Variants in SGCZ observed in about 807,000 individuals in gnomAD.
The protein encoded by SGCZ is zeta-sarcoglycan.
SGCZ carries 40 observed loss-of-function variants against 41.3 expected under a neutral mutation model. The ratio of observed to expected loss-of-function variants is 0.97; its 90% CI spans 0.75 to 1.26. The LOEUF is 1.26. Ranked by LOEUF, SGCZ falls within the 50% of genes most tolerant of loss-of-function variation. SGCZ has a pLI of 0.00. For missense variants in SGCZ, 552 were observed against 369.8 expected (o/e 1.49, Z -4.04); for synonymous variants, 206 against 137.5 (o/e 1.50, Z -3.49).
intron 1 of SGCZ, among the ~76,000 whole-genome samples, chr8:14,862,581 T>TATATATATAC (rs775585451): frequency 1.0e-4 from 10 of 96,934 alleles, no homozygotes; most frequent in Non-Finnish European, 1.9e-4. Flanking sequence ...TATATATATA[T>TATATATATAC]ACACACACAA....
intron 1 of SGCZ, among the ~76,000 whole-genome samples, chr8:14,884,124 G>C (rs1804699247): frequency 1.3e-5 from 2 of 152,088 alleles, no homozygotes. Context: ...ACTTTGGAAA[G>C]AGATAATTTG....
chr8:14,813,975 A>G (rs1441676558), intron 1 of SGCZ, among the ~76,000 whole-genome samples: 1 of 152,154 alleles, frequency 6.6e-6, no homozygotes, highest in Non-Finnish European at 1.5e-5. Context: ...GCAAATAAGT[A>G]AATAAAAACA....
chr8:15,182,300 T>C (rs1427763643), intron 1 of SGCZ, among the ~76,000 whole-genome samples: 1 of 152,172 alleles, frequency 6.6e-6, no homozygotes, highest in Admixed American at 6.5e-5. Flanking sequence ...CTAAATATAA[T>C]GCAGTCATGT....
At chr8:14,455,455 TACACACAC>T (rs5889534) in intron 2 of SGCZ, among the ~76,000 whole-genome samples, 83 of 144,426 alleles carry the variant, frequency 5.7e-4, no homozygotes, top group East Asian at 1.7e-3. Flanking sequence ...TTTGCATGCA[TACACACAC>T]ACACACACAC....
intron 1 of SGCZ, among the ~76,000 whole-genome samples, chr8:14,762,280 C>A (rs868372352): frequency 6.6e-6 from 1 of 152,184 alleles, no homozygotes; most frequent in African/African-American, 2.4e-5. Flanking sequence ...TCTCCATGGA[C>A]CTCAAAACAG....
chr8:15,102,682 T>C (rs1806660015), intron 1 of SGCZ, among the ~76,000 whole-genome samples: 1 of 152,182 alleles, frequency 6.6e-6, no homozygotes, highest in Non-Finnish European at 1.5e-5. Flanking sequence ...TCTAATAATG[T>C]TCCAAAATAT....
intron 2 of SGCZ, among the ~76,000 whole-genome samples, chr8:14,377,799 G>T (rs1279396567): frequency 1.7e-4 from 25 of 151,436 alleles, no homozygotes; most frequent in Admixed American, 1.3e-3. Flanking sequence ...TTGTTCTTGC[G>T]ATAGTTTACT....
chr8:14,257,093 C>T (rs1799491308), intron 3 of SGCZ, among the ~76,000 whole-genome samples: 1 of 152,022 alleles, frequency 6.6e-6, no homozygotes, highest in Non-Finnish European at 1.5e-5. Context: ...CACTAGAAGG[C>T]CAAAGTGGAC....
chr8:14,239,209 G>A (rs1034899287), intron 3 of SGCZ, among the ~76,000 whole-genome samples: 16 of 150,968 alleles, frequency 1.1e-4, no homozygotes, highest in Admixed American at 9.3e-4. Context: ...GAATACTACT[G>A]TCTCTTGATA....
intron 1 of SGCZ, among the ~76,000 whole-genome samples, chr8:14,876,786 A>G (rs1487076060): frequency 1.3e-5 from 2 of 152,178 alleles, no homozygotes; most frequent in East Asian, 1.9e-4. Context: ...GAGAAATTAT[A>G]TGTAACAAAC....
At chr8:14,397,565 A>T (rs865999765) in intron 2 of SGCZ, among the ~76,000 whole-genome samples, 39 of 152,184 alleles carry the variant, frequency 2.6e-4, no homozygotes, top group African/African-American at 8.4e-4. Flanking sequence ...ATTATTGCAT[A>T]TAATACATGG....
intron 3 of SGCZ, among the ~76,000 whole-genome samples, chr8:14,258,182 T>C (rs1799532347): frequency 6.6e-6 from 1 of 152,176 alleles, no homozygotes; most frequent in Admixed American, 6.5e-5. Flanking sequence ...AAACAATCAG[T>C]TTTATATCTA....
At chr8:14,702,158 G>A (rs1585193775) in intron 1 of SGCZ, among the ~76,000 whole-genome samples, 1 of 151,876 alleles carries the variant, frequency 6.6e-6, no homozygotes, top group East Asian at 1.9e-4. Context: ...TGCCCACCCC[G>A]CTGGAAGTAA....
chr8:14,287,758 T>C (rs1585322475), intron 3 of SGCZ, among the ~76,000 whole-genome samples: 1 of 152,118 alleles, frequency 6.6e-6, no homozygotes, highest in Non-Finnish European at 1.5e-5. Context: ...TTAAGCTACA[T>C]TGACTAAGAG....
intron 1 of SGCZ, among the ~76,000 whole-genome samples, chr8:14,690,843 T>C (rs981425803): frequency 6.6e-6 from 1 of 152,196 alleles, no homozygotes; most frequent in Non-Finnish European, 1.5e-5. Context: ...ACTGAATTTA[T>C]ATGGAATACA....
At chr8:14,841,577 T>C (rs926745202) in intron 1 of SGCZ, among the ~76,000 whole-genome samples, 3 of 152,186 alleles carry the variant, frequency 2.0e-5, no homozygotes, top group Non-Finnish European at 4.4e-5. Flanking sequence ...AAATACATTT[T>C]ATACCAGATG....
At chr8:14,325,633 A>G (rs1462391473) in intron 2 of SGCZ, among the ~76,000 whole-genome samples, 2 of 146,848 alleles carry the variant, frequency 1.4e-5, no homozygotes, top group African/African-American at 4.9e-5. Context: ...GATCATGTAT[A>G]TAATCACATA....
chr8:15,231,768 C>G (rs1460219092), intron 1 of SGCZ, among the ~76,000 whole-genome samples: 2 of 151,796 alleles, frequency 1.3e-5, no homozygotes, highest in Non-Finnish European at 2.9e-5. Context: ...AGTACAGAAG[C>G]ACACCACCAC....
At chr8:15,152,619 T>C (rs918275301) in intron 1 of SGCZ, among the ~76,000 whole-genome samples, 6 of 152,086 alleles carry the variant, frequency 3.9e-5, no homozygotes, top group African/African-American at 1.4e-4. Flanking sequence ...GCACGGCGAG[T>C]AGAAAACAGA....
Sources: gnomAD v4.1 joint callset for allele counts (sites outside exome capture counted in the v4.1 genomes callset) on GRCh38, gnomAD v4.1.1 for gene constraint, MANE v1.5 for transcripts, NCBI Gene and HGNC (gene_info 2026-07-23, HGNC 2026-07-21) for gene names.